The following QSER1 variants were observed in gnomAD, a reference collection of about 807,000 sequenced individuals.
QSER1 encodes glutamine and serine-rich protein 1.
In QSER1, 49 loss-of-function variants were observed where a neutral mutation model predicts 158.5. The observed-to-expected ratio is 0.31, with a 90% CI of 0.25 to 0.39. The LOEUF is 0.39. Among genes scored for constraint, QSER1 ranks in the 10% least tolerant of loss-of-function variants. QSER1 has a pLI of 1.00. For missense variants in QSER1, 1,754 were observed against 2,010.3 expected (o/e 0.87, Z 2.44); for synonymous variants, 650 against 715.5 (o/e 0.91, Z 1.46).
intron 1 of QSER1, among the ~76,000 whole-genome samples, chr11:32,901,109 T>C (rs1452047279): frequency 6.6e-6 from 1 of 152,202 alleles, no homozygotes; most frequent in Non-Finnish European, 1.5e-5. Context: ...GTATTTTGAC[T>C]CCACCACTTG....
Position 32,957,892 on chromosome 11 carries a change from G to C in QSER1, c.4775G>C (p.Ser1592Thr). ...AGAACTGTTCAAGCTAAGCCAAGTA[G>C]TAGCAGTAAAACTTCTGATCCTCTA... Reference protein sequence around the residue: ...TIRTVQAKPSSSSKTSDPLAS... With the variant: ...TIRTVQAKPSTSSKTSDPLAS... Residue 1592 changes from serine to threonine, a missense_variant, in exon 8 of 13, where the codon AGT becomes ACT. Ser to Thr is a moderately conservative substitution (Grantham distance 58, BLOSUM62 1). Around this residue, in one of 2 missense-constraint regions of QSER1, gnomAD observed 1,707 missense variants for 1,919.6 expected, o/e 0.89. Transcript: ENST00000650167. The C allele has an allele frequency of 6.2e-7, 1 of 1,614,054 alleles. No individual in the cohort carries two copies. Among genetic ancestry groups the C allele is most frequent in the Non-Finnish European group, 8.5e-7 (1 of 1,179,964 alleles).
At chr11:32,975,090 A>G (rs1852948457) in intron 11 of QSER1, among the ~76,000 whole-genome samples, 158 bp from the exon 12 acceptor site, 1 of 152,124 alleles carries the variant, frequency 6.6e-6, no homozygotes, top group African/African-American at 2.4e-5. Flanking sequence ...TTAAATTCTT[A>G]TTTTGAATAA....
At chr11:32,960,292 C>G (rs895373462) in intron 8 of QSER1, among the ~76,000 whole-genome samples, 2 of 152,144 alleles carry the variant, frequency 1.3e-5, no homozygotes, top group African/African-American at 4.8e-5. Context: ...CATGGTGGCT[C>G]ATGCCTGCAA....
At chr11:32,966,597 T>C (rs1311958066) in intron 9 of QSER1, among the ~76,000 whole-genome samples, 160 bp downstream of exon 9, 1 of 152,220 alleles carries the variant, frequency 6.6e-6, no homozygotes, top group Non-Finnish European at 1.5e-5. Flanking sequence ...GGTCATATCT[T>C]TTCATGCATT....
In QSER1 at chr11:32,932,771, T is replaced by C. The variant is rs1852070896; in HGVS notation, c.1513T>C (p.Leu505=). The C allele has an allele frequency of 6.2e-7, 1 of 1,614,032 alleles. No individual in the cohort carries two copies. Among genetic ancestry groups the C allele is most frequent in the African/African-American group, 1.3e-5 (1 of 75,032 alleles). ...VEKLPPLYKT[L]TFSGSSQTVT... Reference sequence around the variant, plus strand: ...GAAATTGCCACCCTTGTATAAAACATTGACTTTTTCTGGGTCATCTCAGAC... The same window carrying C: ...GAAATTGCCACCCTTGTATAAAACACTGACTTTTTCTGGGTCATCTCAGAC... Residue 505 remains leucine (L), a synonymous_variant, in exon 4 of 13, where the codon TTG becomes CTG. Coordinates refer to ENST00000650167, the MANE Select transcript of QSER1 (RefSeq NM_001076786.3).
Position 32,932,272 on chromosome 11 carries a change from G to A in QSER1, c.1014G>A (p.Gln338=). Residue 338 remains glutamine, a synonymous_variant, in exon 4 of 13, where the codon CAG becomes CAA. Coordinates refer to ENST00000650167, the MANE Select transcript of QSER1 (RefSeq NM_001076786.3). The part of the protein sequence containing the change: ...QSIQAQLTGS[Q]HSLHSYLSNS... ...TTCAGGCACAACTGACTGGTTCACA[G>A]CACTCCTTACATAGTTATCTATCAA... 1 of 1,613,998 alleles carries A rather than the reference G, an allele frequency of 6.2e-7. No homozygotes were observed. Among genetic ancestry groups the A allele is most frequent in the Non-Finnish European group, 8.5e-7 (1 of 1,180,032 alleles).
intron 8 of QSER1, among the ~76,000 whole-genome samples, chr11:32,961,646 G>A (rs986981386): frequency 1.3e-5 from 2 of 151,984 alleles, no homozygotes; most frequent in African/African-American, 2.4e-5. Context: ...CTAGCTACTG[G>A]TAACCTCTAA....
intron 2 of QSER1, 76 bp from the exon 3 acceptor site, chr11:32,927,886 A>G: frequency 4.5e-6 from 2 of 440,404 alleles, no homozygotes; most frequent in East Asian, 6.7e-5. Context: ...AAATTTTAAA[A>G]TAGAGTCAGG....
intron 1 of QSER1, among the ~76,000 whole-genome samples, chr11:32,907,735 C>T (rs1173678039): frequency 6.6e-6 from 1 of 152,132 alleles, no homozygotes; most frequent in Admixed American, 6.5e-5. Context: ...ATAAACATGC[C>T]TGGTATTTAC....
At chr11:32,916,267 A>G (rs187591959) in intron 1 of QSER1, among the ~76,000 whole-genome samples, 31 of 152,298 alleles carry the variant, frequency 2.0e-4, no homozygotes, top group African/African-American at 1.2e-4. Context: ...GTACAATTCA[A>G]TAATTTTTAG....
At chr11:32,907,309 T>C (rs1851707200) in intron 1 of QSER1, among the ~76,000 whole-genome samples, 1 of 152,222 alleles carries the variant, frequency 6.6e-6, no homozygotes, top group African/African-American at 2.4e-5. Flanking sequence ...GTTATTAAAT[T>C]CTTGTATTAA....
At chr11:32,951,370 G>T (rs953946007) in intron 4 of QSER1, among the ~76,000 whole-genome samples, 1 of 152,112 alleles carries the variant, frequency 6.6e-6, no homozygotes, top group African/African-American at 2.4e-5. Context: ...ATGTCAGTCT[G>T]CCAACTTTGT....
intron 1 of QSER1, among the ~76,000 whole-genome samples, chr11:32,906,193 C>T (rs1183169979): frequency 2.0e-5 from 3 of 146,576 alleles, no homozygotes; most frequent in African/African-American, 5.1e-5. Context: ...GAGGCTGAGG[C>T]GGGTGGATCA....
chr11:32,904,609 T>C (rs1851668346), intron 1 of QSER1, among the ~76,000 whole-genome samples: 1 of 151,606 alleles, frequency 6.6e-6, no homozygotes, highest in African/African-American at 2.4e-5. Flanking sequence ...CTCTTTTTTT[T>C]TTTTTTTTTT....
intron 1 of QSER1, among the ~76,000 whole-genome samples, chr11:32,907,824 A>G (rs1851713346): frequency 6.6e-6 from 1 of 152,242 alleles, no homozygotes; most frequent in South Asian, 2.1e-4. Flanking sequence ...TAGGCTGGGC[A>G]CGGTGGCTCA....
chr11:32,909,075 G>A (rs1430077003), intron 1 of QSER1, among the ~76,000 whole-genome samples: 5 of 152,134 alleles, frequency 3.3e-5, no homozygotes, highest in African/African-American at 4.8e-5. Context: ...CAGGGGAATC[G>A]CTTGAACCCA....
At chr11:32,912,372 A>G (rs1214136032) in intron 1 of QSER1, among the ~76,000 whole-genome samples, 1 of 152,110 alleles carries the variant, frequency 6.6e-6, no homozygotes. Context: ...TTTTGCCCTC[A>G]TAATTTCTTA....
rs1456106950 is a variant in QSER1, at chr11:32,978,733, A to G, written c.*2259A>G. 6.6e-6 allele frequency: 1 copy of G among 152,224 alleles called. No individual in the cohort carries two copies. The highest frequency in any genetic ancestry group is 1.5e-5 in the Non-Finnish European group (1 of 68,038). 9.4% of individuals were successfully genotyped at this position (152,224 alleles called of 1,614,324 possible). ...GAGGCCAAGTCTATGATACTGCCTC[A>G]AAGAGACCCTATTGTGTAGATGCAT... On this transcript the variant is annotated 3_prime_UTR_variant, in exon 13 of 13. Transcript: ENST00000650167.
chr11:32,904,679 A>G (rs1564925663), intron 1 of QSER1, among the ~76,000 whole-genome samples: 1 of 150,882 alleles, frequency 6.6e-6, no homozygotes, highest in African/African-American at 2.4e-5. Context: ...CTGTTCCTAA[A>G]ATGGTGTTAG....
Sources: gnomAD v4.1 joint callset for allele counts (sites outside exome capture counted in the v4.1 genomes callset) on GRCh38, gnomAD v4.1.1 for gene constraint, gnomAD v4.1.1 regional missense constraint, MANE v1.5 for transcripts, NCBI Gene and HGNC (gene_info 2026-07-23, HGNC 2026-07-21) for gene names.